HPSE2: variants seen among roughly 807,000 people sequenced by gnomAD.
The protein encoded by HPSE2 is heparanase 2 (inactive), also known as inactive heparanase-2.
Under a neutral mutation model 60.5 loss-of-function variants are expected in HPSE2, and 38 were observed. The observed-to-expected ratio is 0.63, with a 90% CI of 0.48 to 0.82. The LOEUF (loss-of-function observed/expected upper bound fraction) is 0.82. HPSE2 is among the 40% of genes least tolerant of loss of function. The probability of loss-of-function intolerance (pLI) is 0.00; values close to 1 mark genes in which losing one functional copy is unlikely to be tolerated. For synonymous variants in HPSE2, 295 were observed against 293.2 expected, an observed-to-expected ratio of 1.01 and a Z score of -0.06; for missense variants, 713 against 740.4, an observed-to-expected ratio of 0.96 and a Z score of 0.43.
chr10:98,994,049 A>T (rs555930443), intron 3 of HPSE2, among the ~76,000 whole-genome samples: 1 of 152,330 alleles, frequency 6.6e-6, no homozygotes, highest in South Asian at 2.1e-4. Flanking sequence ...CTGCCAGAAT[A>T]GCACAGAAAT....
chr10:99,024,404 G>A (rs1957331642), intron 3 of HPSE2, among the ~76,000 whole-genome samples: 1 of 152,036 alleles, frequency 6.6e-6, no homozygotes, highest in Non-Finnish European at 1.5e-5. Flanking sequence ...ACATGCAATG[G>A]ATGCACAAAT....
intron 3 of HPSE2, among the ~76,000 whole-genome samples, chr10:98,911,561 T>C (rs1282610248): frequency 6.6e-6 from 1 of 151,948 alleles, no homozygotes; most frequent in Non-Finnish European, 1.5e-5. Context: ...TACCACCACA[T>C]TTGGTGCAGC....
At chr10:99,024,769 G>A (rs1957339187) in intron 3 of HPSE2, among the ~76,000 whole-genome samples, 1 of 152,134 alleles carries the variant, frequency 6.6e-6, no homozygotes, top group Non-Finnish European at 1.5e-5. Context: ...CATATTTAAA[G>A]TGCTGAAGAA....
intron 3 of HPSE2, among the ~76,000 whole-genome samples, chr10:99,060,041 T>TCC (rs917082117): frequency 3.3e-5 from 5 of 150,974 alleles, no homozygotes; most frequent in Non-Finnish European, 5.9e-5. Context: ...ATACAACATC[T>TCC]CCCCACACAC....
intron 9 of HPSE2, among the ~76,000 whole-genome samples, chr10:98,563,207 T>A (rs1944242245): frequency 6.6e-6 from 1 of 152,218 alleles, no homozygotes; most frequent in African/African-American, 2.4e-5. Flanking sequence ...ACATGGTATA[T>A]CCATGTAGTG....
At chr10:99,159,395 T>C (rs1243176428) in intron 2 of HPSE2, among the ~76,000 whole-genome samples, 1 of 152,212 alleles carries the variant, frequency 6.6e-6, no homozygotes, top group African/African-American at 2.4e-5. Flanking sequence ...ATGAGGTAGT[T>C]GCTTTTGCGT....
At chr10:98,471,994 CTTAT>C (rs1256401354) in intron 11 of HPSE2, among the ~76,000 whole-genome samples, 1 of 152,046 alleles carries the variant, frequency 6.6e-6, no homozygotes, top group Non-Finnish European at 1.5e-5. Flanking sequence ...TATGTATATA[CTTAT>C]TTATGTAGCT....
intron 9 of HPSE2, among the ~76,000 whole-genome samples, chr10:98,591,371 T>G (rs1447959409): frequency 6.6e-6 from 1 of 152,118 alleles, no homozygotes; most frequent in Non-Finnish European, 1.5e-5. Flanking sequence ...ATGTATAAGA[T>G]CAGGATATTG....
chr10:98,778,264 CAGAGAGAGAG>C (rs143885408), intron 3 of HPSE2, among the ~76,000 whole-genome samples: 7 of 112,722 alleles, frequency 6.2e-5, no homozygotes, highest in East Asian at 2.4e-4. Context: ...GAGAGAGAGA[CAGAGAGAGAG>C]AGAGAGAGAG....
At chr10:99,110,075 T>A (rs1844401315) in intron 3 of HPSE2, among the ~76,000 whole-genome samples, 2 of 152,216 alleles carry the variant, frequency 1.3e-5, no homozygotes, top group Admixed American at 6.5e-5. Flanking sequence ...AAGAGAATTA[T>A]CTGATTCAAA....
At chr10:99,222,975 T>C (rs1164319233) in intron 2 of HPSE2, among the ~76,000 whole-genome samples, 2 of 152,192 alleles carry the variant, frequency 1.3e-5, no homozygotes, top group Non-Finnish European at 2.9e-5. Flanking sequence ...GACAAATGAA[T>C]GGACGAATAA....
the HPSE2 span, among the ~76,000 whole-genome samples, chr10:99,272,195 G>A: frequency 2.4e-4 from 37 of 151,922 alleles, no homozygotes; most frequent in African/African-American, 7.2e-4. Flanking sequence ...GCTTGAACCC[G>A]GGAGGTAGAG....
At chr10:98,986,946 G>A (rs1188956429) in intron 3 of HPSE2, among the ~76,000 whole-genome samples, 1 of 152,100 alleles carries the variant, frequency 6.6e-6, no homozygotes, top group African/African-American at 2.4e-5. Flanking sequence ...AAACCAGGAA[G>A]AAGCTGAGTC....
At chr10:98,958,663 T>C (rs975420469) in intron 3 of HPSE2, among the ~76,000 whole-genome samples, 1 of 152,056 alleles carries the variant, frequency 6.6e-6, no homozygotes, top group Non-Finnish European at 1.5e-5. Flanking sequence ...TGAGAAACAG[T>C]AAGTGACTGA....
At chr10:99,058,431 C>T (rs867443361) in intron 3 of HPSE2, among the ~76,000 whole-genome samples, 23 of 152,190 alleles carry the variant, frequency 1.5e-4, no homozygotes, top group African/African-American at 5.5e-4. Context: ...CACCCCTAAA[C>T]GTTTCCTGTA....
At chr10:98,687,053 C>A (rs953065006) in intron 6 of HPSE2, among the ~76,000 whole-genome samples, 3 of 151,812 alleles carry the variant, frequency 2.0e-5, no homozygotes, top group Non-Finnish European at 1.5e-5. Flanking sequence ...ATTTTTTTCT[C>A]CTTTTGTTGT....
chr10:99,174,229 T>G (rs1475817258), intron 2 of HPSE2, among the ~76,000 whole-genome samples: 1 of 152,226 alleles, frequency 6.6e-6, no homozygotes, highest in African/African-American at 2.4e-5. Context: ...CCTTATCTTA[T>G]TTCTTCAGAC....
At chr10:98,641,008 T>C (rs1351597744) in intron 7 of HPSE2, among the ~76,000 whole-genome samples, 1 of 152,192 alleles carries the variant, frequency 6.6e-6, no homozygotes, top group Non-Finnish European at 1.5e-5. Context: ...TGACCAAAGG[T>C]GTGCTGATAG....
chr10:98,561,096 C>A (rs1944163201), intron 9 of HPSE2, among the ~76,000 whole-genome samples: 1 of 151,776 alleles, frequency 6.6e-6, no homozygotes, highest in South Asian at 2.1e-4. Context: ...GAGCTCCAGG[C>A]CATGGAACTA....
Sources: gnomAD v4.1 joint callset for allele counts (sites outside exome capture counted in the v4.1 genomes callset) on GRCh38, gnomAD v4.1.1 for gene constraint, MANE v1.5 for transcripts, NCBI Gene and HGNC (gene_info 2026-07-23, HGNC 2026-07-21) for gene names.